ZNF77: variants seen among roughly 807,000 people sequenced by gnomAD.
ZNF77 encodes zinc finger protein 77.
Under a neutral mutation model 13.5 loss-of-function variants are expected in ZNF77, and 15 were observed. That is an observed-to-expected ratio of 1.11 (90% CI 0.74 to 1.71). ZNF77 has a LOEUF of 1.71. ZNF77 is among the 40% of genes most tolerant of loss of function. The probability of loss-of-function intolerance (pLI) is 0.00; values close to 1 mark genes in which losing one functional copy is unlikely to be tolerated. For synonymous variants in ZNF77, 282 were observed against 250.0 expected (o/e 1.13, Z -1.21); for missense variants, 717 against 676.4 (o/e 1.06, Z -0.67).
At position 2,936,708 on chromosome 19, in the gene ZNF77, C is replaced by T. The variant is rs1255181190; in HGVS notation, c.131-4G>A. On this transcript the variant is annotated splice_polypyrimidine_tract_variant and splice_region_variant and intron_variant, in intron 2 of 3. Coordinates refer to ENST00000314531, the MANE Select transcript of ZNF77 (RefSeq NM_021217.3). ...GTTCTAACATAAATGTAACAATCTG[C>T]AACAATCAATTACACAATTTCTTAG... The T allele has an allele frequency of 6.3e-7, 1 of 1,597,314 alleles. No individual in the cohort carries two copies. Among genetic ancestry groups the T allele is most frequent in the Admixed American group, 1.8e-5 (1 of 55,678 alleles).
At chr19:2,935,822 G>C (rs1352351679) in intron 3 of ZNF77, among the ~76,000 whole-genome samples, 1 of 152,126 alleles carries the variant, frequency 6.6e-6, no homozygotes, top group East Asian at 1.9e-4. Context: ...TTTGATACCA[G>C]CCTGGGCAAC....
intron 1 of ZNF77, among the ~76,000 whole-genome samples, chr19:2,943,692 A>ATTTTTT (rs10633206): frequency 9.4e-4 from 72 of 76,762 alleles, no homozygotes; most frequent in East Asian, 6.8e-3. Context: ...TCTAGCCAGG[A>ATTTTTT]TTTTTTTTTT....
Position 2,934,537 on chromosome 19 carries a change from G to C in ZNF77, c.590C>G (p.Thr197Arg), listed in dbSNP as rs767962381. 2 of 1,614,064 alleles carry C rather than the reference G, an allele frequency of 1.2e-6. No individual in the cohort carries two copies. The highest frequency in any genetic ancestry group is 8.5e-7 in the Non-Finnish European group (1 of 1,180,042). Reference sequence around the variant, plus strand: ...ACTTTTCACGTATGTCACAGATGCTGTCCTTGAGTCCTGGCAATTACAGGG... The same window carrying C: ...ACTTTTCACGTATGTCACAGATGCTCTCCTTGAGTCCTGGCAATTACAGGG... ...EKPCNCQDSRTASVTYVKSLS... is the reference protein window; with the variant it reads ...EKPCNCQDSRRASVTYVKSLS... The change falls in exon 4 of 4, where the codon ACA becomes AGA. Residue 197 changes from threonine (T) to arginine (R), a missense_variant. Thr to Arg is a moderately conservative substitution (Grantham distance 71, BLOSUM62 -1). Coordinates refer to ENST00000314531, the MANE Select transcript of ZNF77 (RefSeq NM_021217.3).
chr19:2,944,552 C>T (rs1008107520), intron 1 of ZNF77, among the ~76,000 whole-genome samples: 4 of 151,794 alleles, frequency 2.6e-5, no homozygotes, highest in Admixed American at 2.6e-4. Context: ...CTTAAATTGC[C>T]TCAAGCCCCT....
chr19:2,935,496 A>T (rs1293381863), intron 3 of ZNF77, among the ~76,000 whole-genome samples: 115 of 138,284 alleles, frequency 8.3e-4, no homozygotes, highest in African/African-American at 2.6e-3. Context: ...TCTTTTTCGT[A>T]TTTTTTTTTT....
intron 3 of ZNF77, among the ~76,000 whole-genome samples, chr19:2,936,149 T>C (rs950986111): frequency 6.6e-6 from 1 of 151,566 alleles, no homozygotes; most frequent in African/African-American, 2.4e-5. Flanking sequence ...GTGTAGTTGG[T>C]TTATACTTTT....
chr19:2,944,519 GCCCCTTAAA>G (rs1190760259), intron 1 of ZNF77, among the ~76,000 whole-genome samples: 39 of 149,860 alleles, frequency 2.6e-4, no homozygotes, highest in African/African-American at 9.6e-4. Flanking sequence ...CTGCCCCTGT[GCCCCTTAAA>G]CCTCTACTGT....
chr19:2,933,832 C>T lies in ZNF77; in HGVS notation c.1295G>A (p.Gly432Glu), dbSNP rs2088367241. ...SLRIHVRTHT[G>E]EKPFECKHCG... ...ATGCTTACACTCAAAGGGCTTCTCT[C>T]CAGTATGCGTCCTCACGTGGATTCG... The change falls in exon 4 of 4, where the codon GGA (glycine) becomes GAA (glutamate). Residue 432 changes from glycine to glutamate, a missense_variant. Gly to Glu is a moderately conservative substitution (Grantham distance 98, BLOSUM62 -2). Coordinates refer to ENST00000314531, the MANE Select transcript of ZNF77 (RefSeq NM_021217.3). 1 of 1,613,466 alleles carries T rather than the reference C, an allele frequency of 6.2e-7. No individual in the cohort carries two copies. The highest frequency in any genetic ancestry group is 1.3e-5 in the African/African-American group (1 of 74,936).
At chr19:2,936,304 C>A (rs770903815) in intron 3 of ZNF77, among the ~76,000 whole-genome samples, 2 of 152,112 alleles carry the variant, frequency 1.3e-5, no homozygotes, top group East Asian at 3.9e-4. Flanking sequence ...TGAGCCACCA[C>A]GCCCAGCTAA....
intron 1 of ZNF77, 81 bp downstream of exon 1, chr19:2,944,757 C>G: frequency 6.8e-7 from 1 of 1,461,056 alleles, no homozygotes. Flanking sequence ...CAGCTTTCTC[C>G]GGCTGCGAAC....
chr19:2,936,251 G>A (rs890473351), intron 3 of ZNF77, among the ~76,000 whole-genome samples: 3 of 151,880 alleles, frequency 2.0e-5, no homozygotes, highest in South Asian at 2.1e-4. Flanking sequence ...GGGTTCAAGC[G>A]ATTCTCCTTC....
chr19:2,942,761 T>C (rs1177898247), intron 1 of ZNF77, among the ~76,000 whole-genome samples: 2 of 151,770 alleles, frequency 1.3e-5, no homozygotes, highest in African/African-American at 4.8e-5. Flanking sequence ...CAAGGCCAGA[T>C]TCAGACCCTC....
chr19:2,936,511 G>C lies in ZNF77; in HGVS notation c.311+13C>G, dbSNP rs758515773. 3.0e-5 allele frequency: 47 copies of C among 1,576,426 alleles called. No individual in the cohort carries two copies. The Middle Eastern group carries it at 8.4e-4, about 28-fold the overall frequency. ...TGCGGAGAGGCCCATCCCTCCGGTT[G>C]AGCGCCACTCACCTCAGATGCCTCT... is the stretch of plus-strand genomic sequence containing the variant. On this transcript the variant is annotated intron_variant, in intron 3 of 3. Transcript: ENST00000314531.
chr19:2,944,375 C>T (rs2088478022), intron 1 of ZNF77, among the ~76,000 whole-genome samples: 1 of 149,368 alleles, frequency 6.7e-6, no homozygotes, highest in Non-Finnish European at 1.5e-5. Flanking sequence ...CCATGACCGC[C>T]TCTACGGCCC....
chr19:2,942,398 A>G (rs2088457569), intron 1 of ZNF77, among the ~76,000 whole-genome samples: 1 of 126,902 alleles, frequency 7.9e-6, no homozygotes, highest in Non-Finnish European at 1.6e-5. Context: ...TTTTCCAGAC[A>G]GGGTCTAGCT....
chr19:2,942,623 G>T (rs1446983203), intron 1 of ZNF77, among the ~76,000 whole-genome samples: 3 of 152,020 alleles, frequency 2.0e-5, no homozygotes, highest in Non-Finnish European at 4.4e-5. Flanking sequence ...AGGTGACAAT[G>T]TTGAACTGAC....
chr19:2,940,671 C>CA (rs2088441104), intron 1 of ZNF77, among the ~76,000 whole-genome samples: 1 of 75,976 alleles, frequency 1.3e-5, no homozygotes, highest in Non-Finnish European at 2.7e-5. Context: ...GTCTCCATCA[C>CA]AAAAAAGAAA....
intron 2 of ZNF77, among the ~76,000 whole-genome samples, chr19:2,937,628 T>C (rs2088409078): frequency 6.6e-6 from 1 of 152,144 alleles, no homozygotes; most frequent in Non-Finnish European, 1.5e-5. Context: ...GCTCCTCGTA[T>C]ACGAGGAAAT....
At chr19:2,939,690 A>G in intron 1 of ZNF77, 1 of 395,582 alleles carries the variant, frequency 2.5e-6, no homozygotes, top group Non-Finnish European at 4.7e-6. Flanking sequence ...AACATCATTA[A>G]GCTAAGGCTG....
Sources: gnomAD v4.1 joint callset for allele counts (sites outside exome capture counted in the v4.1 genomes callset) on GRCh38, gnomAD v4.1.1 for gene constraint, MANE v1.5 for transcripts, NCBI Gene and HGNC (gene_info 2026-07-23, HGNC 2026-07-21) for gene names.